Variants in AGMO observed in about 807,000 individuals in gnomAD.
AGMO encodes alkylglycerol monooxygenase.
In AGMO, 75 loss-of-function variants were observed where a neutral mutation model predicts 60.2. That is an observed-to-expected ratio of 1.25 (90% CI 1.03 to 1.51). The LOEUF is 1.51. Among genes scored for constraint, AGMO ranks in the 40% most tolerant of loss-of-function variants. AGMO has a pLI of 0.00. For missense variants in AGMO, 763 were observed against 525.5 expected (o/e 1.45, Z -4.42); for synonymous variants, 261 against 177.1 (o/e 1.47, Z -3.76).
intron 12 of AGMO, among the ~76,000 whole-genome samples, chr7:15,269,715 G>C (rs1229544154): frequency 6.6e-6 from 1 of 152,016 alleles, no homozygotes; most frequent in Non-Finnish European, 1.5e-5. Flanking sequence ...CAGCCAAGTA[G>C]TGAACAACGA....
chr7:15,155,304 TTTTC>T, the AGMO span, among the ~76,000 whole-genome samples: 1 of 152,000 alleles, frequency 6.6e-6, no homozygotes, highest in African/African-American at 2.4e-5. Context: ...TAAAAAATTT[TTTTC>T]TTTATTTTTA....
At chr7:15,282,297 A>G (rs1296394177) in intron 12 of AGMO, among the ~76,000 whole-genome samples, 1 of 152,102 alleles carries the variant, frequency 6.6e-6, no homozygotes, top group Non-Finnish European at 1.5e-5. Flanking sequence ...AGATATCAAG[A>G]AAAATGGAAA....
chr7:15,357,815 CAGAGA>C (rs533913448), intron 12 of AGMO, among the ~76,000 whole-genome samples: 2 of 152,286 alleles, frequency 1.3e-5, no homozygotes, highest in East Asian at 3.9e-4. Flanking sequence ...GTGAACGCAG[CAGAGA>C]AAACACCACA....
At chr7:15,501,098 C>A (rs74724996) in intron 3 of AGMO, among the ~76,000 whole-genome samples, 1,949 of 151,682 alleles carry the variant, frequency 0.013, 34 homozygotes, top group African/African-American at 0.046. Context: ...TGTTTTATGT[C>A]CAATTGTTTG....
the AGMO span, among the ~76,000 whole-genome samples, chr7:15,140,173 A>C: frequency 6.6e-6 from 1 of 151,924 alleles, no homozygotes; most frequent in East Asian, 1.9e-4. Flanking sequence ...AGCTCCAATA[A>C]ATTAAAGCAA....
intron 3 of AGMO, among the ~76,000 whole-genome samples, chr7:15,508,242 A>G (rs972336119): frequency 6.6e-6 from 1 of 152,152 alleles, no homozygotes; most frequent in Non-Finnish European, 1.5e-5. Context: ...AAATTAAAAT[A>G]TCTAACAAAA....
chr7:15,364,552 T>C (rs1479628875), intron 12 of AGMO, among the ~76,000 whole-genome samples: 1 of 152,020 alleles, frequency 6.6e-6, no homozygotes, highest in East Asian at 1.9e-4. Flanking sequence ...TAATCTTACG[T>C]CATGACAAAT....
chr7:15,163,501 C>A, the AGMO span, among the ~76,000 whole-genome samples: 1 of 151,890 alleles, frequency 6.6e-6, no homozygotes, highest in African/African-American at 2.4e-5. Context: ...TTCTTCTATA[C>A]CTAGTTTGTT....
chr7:15,226,346 C>T (rs1782081339), intron 12 of AGMO, among the ~76,000 whole-genome samples: 1 of 152,048 alleles, frequency 6.6e-6, no homozygotes. Context: ...TGATGTTTAG[C>T]CATGTCAGAC....
the AGMO span, among the ~76,000 whole-genome samples, chr7:15,143,450 T>C: frequency 6.6e-6 from 1 of 152,140 alleles, no homozygotes; most frequent in Non-Finnish European, 1.5e-5. Flanking sequence ...ACCATAAACA[T>C]GGCATGACAC....
chr7:15,206,555 T>A (rs368240947), intron 12 of AGMO, among the ~76,000 whole-genome samples: 15 of 152,224 alleles, frequency 9.9e-5, no homozygotes, highest in African/African-American at 3.1e-4. Context: ...AGTATTACAT[T>A]AGTTTATAAA....
chr7:15,271,424 G>A (rs1583348699), intron 12 of AGMO, among the ~76,000 whole-genome samples: 1 of 151,862 alleles, frequency 6.6e-6, no homozygotes, highest in African/African-American at 2.4e-5. Flanking sequence ...ATTTTTGAGA[G>A]GGCAATTGTA....
rs137913090 is a variant in AGMO at position 15,331,946 on chromosome 7, T to C, written c.1263+33568A>G. On this transcript the variant is annotated intron_variant, in intron 12 of 12. Coordinates refer to ENST00000342526, the MANE Select transcript of AGMO (RefSeq NM_001004320.2). ...TCTCAAAAAAAAAAAAATTGCCATG[T>C]GACTAAGTCCTGCCAATGGAATGGG... is the stretch of plus-strand genomic sequence containing the variant. Among the ~76,000 whole-genome samples the C allele has an allele frequency of 1.5e-3, 234 of 151,724 alleles. 2 individuals are homozygous for C. Among genetic ancestry groups the C allele is most frequent in the African/African-American group, 5.4e-3 (222 of 41,420 alleles).
chr7:15,445,356 T>C (rs540740560), intron 3 of AGMO, among the ~76,000 whole-genome samples: 5 of 152,306 alleles, frequency 3.3e-5, no homozygotes, highest in African/African-American at 1.2e-4. Flanking sequence ...AATGATGAGA[T>C]AGCTCTCAAA....
At chr7:15,132,608 A>C in the AGMO span, among the ~76,000 whole-genome samples, 2 of 152,162 alleles carry the variant, frequency 1.3e-5, no homozygotes, top group East Asian at 3.9e-4. Context: ...AAGGTGATAC[A>C]AGCAAAGTGG....
chr7:15,198,802 T>C (rs1781200749), downstream of AGMO, among the ~76,000 whole-genome samples: 1 of 152,130 alleles, frequency 6.6e-6, no homozygotes, highest in African/African-American at 2.4e-5. Flanking sequence ...TGGTGCCAGC[T>C]GATCCATGGA....
At chr7:15,516,311 T>A (rs914500534) in intron 3 of AGMO, among the ~76,000 whole-genome samples, 1 of 152,140 alleles carries the variant, frequency 6.6e-6, no homozygotes, top group Non-Finnish European at 1.5e-5. Flanking sequence ...TGAGTAAATA[T>A]TTTTTAAATG....
At chr7:15,373,080 A>G (rs996491108) in intron 10 of AGMO, among the ~76,000 whole-genome samples, 4 of 152,150 alleles carry the variant, frequency 2.6e-5, no homozygotes, top group East Asian at 3.9e-4. Context: ...CCTGGCCAAC[A>G]TGGCAAAACC....
At chr7:15,165,181 G>GT in the AGMO span, among the ~76,000 whole-genome samples, 1 of 151,976 alleles carries the variant, frequency 6.6e-6, no homozygotes, top group African/African-American at 2.4e-5. Context: ...CTAAACAGTG[G>GT]GTACACATGG....
Sources: gnomAD v4.1 joint callset for allele counts (sites outside exome capture counted in the v4.1 genomes callset) on GRCh38, gnomAD v4.1.1 for gene constraint, MANE v1.5 for transcripts, NCBI Gene and HGNC (gene_info 2026-07-23, HGNC 2026-07-21) for gene names.